NOBOX: variants seen among roughly 807,000 people sequenced by gnomAD.
The protein encoded by NOBOX is NOBOX oogenesis homeobox, also known as homeobox protein NOBOX.
Under a neutral mutation model 60.2 loss-of-function variants are expected in NOBOX, and 46 were observed. The ratio of observed to expected loss-of-function variants is 0.76; its 90% CI spans 0.60 to 0.98. The LOEUF is 0.98. NOBOX is among the 50% of genes least tolerant of loss of function. The pLI is 0.00. For synonymous variants in NOBOX, 360 were observed against 346.3 expected, an observed-to-expected ratio of 1.04 and a Z score of -0.44; for missense variants, 880 against 865.5, an observed-to-expected ratio of 1.02 and a Z score of -0.21.
At chr7:144,399,709 CCCCACTTCTA>C (rs746909202) in intron 6 of NOBOX, 38 bp downstream of exon 4, 17 of 1,476,732 alleles carry the variant, frequency 1.2e-5, no homozygotes, top group Non-Finnish European at 1.6e-5. Flanking sequence ...CCAGCTTGGA[CCCCACTTCTA>C]CCCACAGGGA....
intron 1 of NOBOX, chr7:144,404,721 G>C (rs769945075): frequency 1.2e-6 from 2 of 1,605,444 alleles, no homozygotes; most frequent in South Asian, 2.2e-5. Context: ...CATCCATTTG[G>C]TGTTTCGATT....
chr7:144,400,345 A>T, intron 4 of NOBOX, 33 bp from the exon 3 acceptor site: 1 of 1,588,656 alleles, frequency 6.3e-7, no homozygotes, highest in Non-Finnish European at 8.6e-7. Context: ...TGAGGAGGAC[A>T]AATGCCAGTG....
chr7:144,407,004 ATT>A (rs376391102), intron 1 of NOBOX, among the ~76,000 whole-genome samples: 9 of 145,676 alleles, frequency 6.2e-5, no homozygotes, highest in South Asian at 2.2e-4. Context: ...TTAATTTTTA[ATT>A]TTTTTTTTTT....
At chr7:144,397,142 AG>A, downstream of NOBOX, 1 of 1,034,630 alleles carries the variant, frequency 9.7e-7, no homozygotes, top group Non-Finnish European at 1.4e-6. Context: ...CTCAGTCTAC[AG>A]AGTCCACACT....
chr7:144,404,821 A>C, intron 1 of NOBOX: 1 of 1,021,476 alleles, frequency 9.8e-7, no homozygotes, highest in Non-Finnish European at 1.4e-6. Flanking sequence ...GTTTCTTACT[A>C]TCTTTATACA....
rs752318340 is a variant in NOBOX, at chr7:144,401,360, C to A, written c.530G>T (p.Arg177Met). 6.2e-7 allele frequency: 1 copy of A among 1,613,836 alleles called. No homozygotes were observed. The highest frequency in any genetic ancestry group is 8.5e-7 in the Non-Finnish European group (1 of 1,179,808). Residue 177 changes from arginine to methionine, a missense_variant, in exon 4 of 10, where the codon AGG becomes ATG. By Grantham distance (91) the Arg-to-Met change is moderately conservative. Transcript: ENST00000467773. The surrounding 1 kb of genome is among the most constrained non-coding windows in gnomAD (Gnocchi z 4.2). ...ACAATCTTCCCCCTGAGTCTGGGGC[C>A]TGGAGCGGGCTAGAGTTCTGTCTTT...
At position 144,399,898 on chromosome 7, in the gene NOBOX, GA is replaced by G. The variant is rs538360786; in HGVS notation, c.1048-36del. On this transcript the variant is annotated intron_variant, in intron 5 of 9. Transcript: ENST00000467773. The stretch of plus-strand genomic sequence containing the variant: ...GAAAGGTGCTTGAAGAACTGGAGAA[GA>G]GGGGCAGAGACTGAGGCTTAGGTCC... The G allele has an allele frequency of 3.0e-4, 466 of 1,541,356 alleles. 1 individual carries two copies. The African/African-American group carries it at 5.5e-3, about 18-fold the overall frequency.
chr7:144,404,001 G>C (rs1211423680), intron 2 of NOBOX, among the ~76,000 whole-genome samples: 1 of 152,040 alleles, frequency 6.6e-6, no homozygotes, highest in East Asian at 1.9e-4. Flanking sequence ...GGGCTGGAGG[G>C]CGAGGCTGGG....
chr7:144,397,641 T>C (rs937260085), intron 9 of NOBOX, 100 bp from the exon 8 acceptor site: 8 of 1,043,706 alleles, frequency 7.7e-6, no homozygotes, highest in Middle Eastern at 3.1e-4. Flanking sequence ...CCAACACACA[T>C]AGACGCAGCT....
Position 144,401,820 on chromosome 7 carries a change from T to G in NOBOX, c.292+49A>C. ...GAAAAATGTAGACAAATTTATGCAA[T>G]TCTGAGACGGCGTTAGCTCATGGTA... On this transcript the variant is annotated intron_variant, in intron 3 of 9. Transcript: ENST00000467773. This position sits in a 1 kb window ranked among gnomAD's most constrained non-coding sequence, Gnocchi z 4.2. 1 of 1,334,006 alleles carries G rather than the reference T, an allele frequency of 7.5e-7. No individual in the cohort carries two copies. Among genetic ancestry groups the G allele is most frequent in the Non-Finnish European group, 1.1e-6 (1 of 936,456 alleles). The allele number at this position is 1,334,006 out of a possible 1,614,324, so 82.6% of individuals were successfully genotyped here.
At chr7:144,407,589 A>G (rs2053994374) in intron 1 of NOBOX, among the ~76,000 whole-genome samples, 1 of 152,238 alleles carries the variant, frequency 6.6e-6, no homozygotes, top group Admixed American at 6.5e-5. Context: ...AGATGATTGG[A>G]TAAATACTGG....
intron 6 of NOBOX, 41 bp from the exon 5 acceptor site, chr7:144,399,523 C>G (rs1481876338): frequency 6.7e-7 from 1 of 1,501,576 alleles, no homozygotes; most frequent in Non-Finnish European, 9.1e-7. Flanking sequence ...TTGGTGGTCT[C>G]TGGATTTGCA....
Position 144,401,317 on chromosome 7 carries a change from C to T in NOBOX, c.573G>A (p.Glu191=), listed in dbSNP as rs1230828835. Residue 191 remains glutamate (E), a synonymous_variant, in exon 4 of 10, where the codon GAG becomes GAA. Coordinates refer to ENST00000467773, the MANE Select transcript of NOBOX (RefSeq NM_001080413.3). The surrounding 1 kb of genome is among the most constrained non-coding windows in gnomAD (Gnocchi z 4.2). ...AATAGGACCTCTTTCCTATCTTCAC[C>T]TCTCCCACTGGGAGGGAACAATCTT... is the stretch of plus-strand genomic sequence containing the variant. The T allele has an allele frequency of 9.3e-6, 15 of 1,613,528 alleles. No individual in the cohort carries two copies. Among genetic ancestry groups the T allele is most frequent in the Non-Finnish European group, 1.3e-5 (15 of 1,179,744 alleles).
chr7:144,400,383 C>T (rs1052787503), intron 4 of NOBOX, 71 bp from the exon 3 acceptor site: 1 of 1,384,172 alleles, frequency 7.2e-7, no homozygotes, highest in Non-Finnish European at 1.0e-6. Flanking sequence ...AAGAGAGGTG[C>T]TCACCAAGTA....
Position 144,397,304 on chromosome 7 carries a change from G to C in NOBOX, c.2012C>G (p.Ser671Cys). The change falls in exon 10 of 10, where the codon TCC (serine) becomes TGC (cysteine). Residue 671 changes from serine (S) to cysteine (C), a missense_variant. Transcript: ENST00000467773. ...CTCCAGTGCTGAGGGCTGATCCAGGGAAGCAGCTGGTGGTTCCTCTTTTGC... is the reference window on the plus strand; with the variant it reads ...CTCCAGTGCTGAGGGCTGATCCAGGCAAGCAGCTGGTGGTTCCTCTTTTGC... The C allele has an allele frequency of 6.5e-7, 1 of 1,537,288 alleles. No homozygotes were observed. The highest frequency in any genetic ancestry group is 8.7e-7 in the Non-Finnish European group (1 of 1,146,926).
At chr7:144,403,514 A>ACCCCCCCCCACCCCC in intron 2 of NOBOX, 143 bp downstream of exon 1, 1 of 138,300 alleles carries the variant, frequency 7.2e-6, no homozygotes, top group Non-Finnish European at 1.4e-5. Context: ...GCCTCCTCCC[A>ACCCCCCCCCACCCCC]CCCTACCCCA....
intron 2 of NOBOX, among the ~76,000 whole-genome samples, chr7:144,402,430 C>T (rs1159380240): frequency 6.6e-6 from 1 of 152,140 alleles, no homozygotes; most frequent in African/African-American, 2.4e-5. Flanking sequence ...TTAATCTCTG[C>T]AAGAACGGCA....
intron 1 of NOBOX, among the ~76,000 whole-genome samples, chr7:144,407,898 C>T (rs556956299): frequency 5.9e-5 from 9 of 152,324 alleles, no homozygotes; most frequent in Admixed American, 2.6e-4. Flanking sequence ...CCATTGTTTA[C>T]AATTAATCGC....
Position 144,398,546 on chromosome 7 carries a change from C to T in NOBOX, c.1510G>A (p.Glu504Lys). Residue 504 changes from glutamate (E) to lysine (K), a missense_variant, in exon 9 of 10, where the codon GAG (glutamate) becomes AAG (lysine). Physicochemically the swap from Glu to Lys is moderately conservative, Grantham distance 56. Coordinates refer to ENST00000467773, the MANE Select transcript of NOBOX (RefSeq NM_001080413.3). The stretch of plus-strand genomic sequence containing the variant: ...TTGCTCTGTTGGTAATCCTGGGGCT[C>T]CAGCTCCTCCAAATATGAACAGGGG... 2.6e-6 allele frequency: 4 copies of T among 1,536,278 alleles called. No individual in the cohort carries two copies. Among genetic ancestry groups the T allele is most frequent in the Non-Finnish European group, 3.5e-6 (4 of 1,146,778 alleles).
Sources: gnomAD v4.1 joint callset for allele counts (sites outside exome capture counted in the v4.1 genomes callset) on GRCh38, gnomAD v4.1.1 for gene constraint, Gnocchi (gnomAD v3.1) non-coding constraint, MANE v1.5 for transcripts, NCBI Gene and HGNC (gene_info 2026-07-23, HGNC 2026-07-21) for gene names.